The following TNFRSF10B variants were observed in gnomAD, a reference collection of about 807,000 sequenced individuals.
TNFRSF10B encodes the protein tumor necrosis factor receptor superfamily member 10B.
Under a neutral mutation model 41.4 loss-of-function variants are expected in TNFRSF10B, and 35 were observed. The observed-to-expected ratio is 0.85, with a 90% CI of 0.65 to 1.12. The LOEUF (loss-of-function observed/expected upper bound fraction) is 1.12. Among genes scored for constraint, TNFRSF10B ranks in the 50% most tolerant of loss-of-function variants. The pLI is 0.00. For missense variants in TNFRSF10B, 584 were observed against 552.7 expected (o/e 1.06, Z -0.57); for synonymous variants, 230 against 215.5 (o/e 1.07, Z -0.59).
At chr8:23,058,199 A>T (rs1232291363) in intron 1 of TNFRSF10B, among the ~76,000 whole-genome samples, 1 of 152,182 alleles carries the variant, frequency 6.6e-6, no homozygotes, top group East Asian at 1.9e-4. Flanking sequence ...GTGAGCTGAC[A>T]TCTCGCCACT....
At chr8:23,049,903 G>C (rs1812473885) in intron 1 of TNFRSF10B, 1 of 152,294 alleles carries the variant, frequency 6.6e-6, no homozygotes, top group African/African-American at 2.4e-5. Context: ...TCGCCAGCCA[G>C]AAGATAAGGA....
Position 23,027,148 on chromosome 8 carries a change from C to A in TNFRSF10B, c.921G>T (p.Glu307Asp). ...CCCCACTCACCAGCAGATGCTCTGA[C>A]TCCCCGGGGGACAACATGTTGACAC... ...PTGVNMLSPG[E>D]SEHLLEPAEA... The change falls in exon 7 of 9, where the codon GAG becomes GAT. Residue 307 changes from glutamate to aspartate, a missense_variant. Coordinates refer to ENST00000276431, the MANE Select transcript of TNFRSF10B (RefSeq NM_003842.5). 6.2e-7 allele frequency: 1 copy of A among 1,614,180 alleles called. No homozygotes were observed. Among genetic ancestry groups the A allele is most frequent in the Non-Finnish European group, 8.5e-7 (1 of 1,180,036 alleles).
rs147614589 is a variant in TNFRSF10B at position 23,046,615 on chromosome 8, T to TAA, written c.145-3374_145-3373dup. ...CAATCCTAAAATTCATATGCAACCA[T>TAA]AAAAAAAAAAAAAAAAAAACACAAA... On this transcript the variant is annotated intron_variant, in intron 1 of 8. Transcript: ENST00000276431. Among the ~76,000 whole-genome samples the TAA allele has an allele frequency of 1.1e-3, 137 of 129,858 alleles. 1 individual carries two copies. The highest frequency in any genetic ancestry group is 3.1e-3 in the South Asian group (12 of 3,908). 85.2% of individuals were successfully genotyped at this position (129,858 alleles called of 152,430 possible).
At chr8:23,033,560 C>T (rs1811940776) in intron 2 of TNFRSF10B, among the ~76,000 whole-genome samples, 1 of 134,178 alleles carries the variant, frequency 7.5e-6, no homozygotes, top group South Asian at 2.4e-4. Flanking sequence ...TGCACTCCAG[C>T]CTGGGCGACA....
intron 1 of TNFRSF10B, among the ~76,000 whole-genome samples, chr8:23,056,547 A>G (rs1812671113): frequency 1.3e-5 from 2 of 151,810 alleles, no homozygotes; most frequent in South Asian, 4.2e-4. Context: ...GCTACTCAGG[A>G]GGCTGAGGCA....
intron 1 of TNFRSF10B, among the ~76,000 whole-genome samples, chr8:23,055,259 G>A (rs962753905): frequency 7.9e-5 from 12 of 152,036 alleles, no homozygotes; most frequent in African/African-American, 2.9e-4. Flanking sequence ...AATAGACAGT[G>A]CTACCGGGAA....
chr8:23,055,158 C>T (rs1812628068), intron 1 of TNFRSF10B, among the ~76,000 whole-genome samples: 2 of 152,024 alleles, frequency 1.3e-5, no homozygotes, highest in Non-Finnish European at 2.9e-5. Flanking sequence ...TTTTCCCTAA[C>T]TGGAAATCAC....
chr8:23,022,821 G>T lies in TNFRSF10B; in HGVS notation c.1173C>A (p.Asn391Lys). The T allele has an allele frequency of 1.2e-6, 2 of 1,613,958 alleles. No individual in the cohort carries two copies. The highest frequency in any genetic ancestry group is 1.3e-5 in the African/African-American group (1 of 75,002). ...GGACAGAGGCATCTCGCCCGGTTTT[G>T]TTGACCCACTTTATCAGCATCGTGT... is the stretch of plus-strand genomic sequence containing the variant. Reference protein sequence around the residue: ...TLYTMLIKWVNKTGRDASVHT... With the variant: ...TLYTMLIKWVKKTGRDASVHT... Residue 391 changes from asparagine (N) to lysine (K), a missense_variant, in exon 9 of 9, where the codon AAC (asparagine) becomes AAA (lysine). Asn to Lys is a moderately conservative substitution (Grantham distance 94). Coordinates refer to ENST00000276431, the MANE Select transcript of TNFRSF10B (RefSeq NM_003842.5).
At chr8:23,027,923 GA>G in intron 5 of TNFRSF10B, 170 bp from the exon 6 acceptor site, 1 of 720,404 alleles carries the variant, frequency 1.4e-6, no homozygotes, top group Non-Finnish European at 2.3e-6. Flanking sequence ...GAGGAAGGGG[GA>G]TGAGAAGGGG....
intron 2 of TNFRSF10B, among the ~76,000 whole-genome samples, chr8:23,033,304 G>C (rs1331495805): frequency 6.6e-6 from 1 of 152,158 alleles, no homozygotes; most frequent in Non-Finnish European, 1.5e-5. Context: ...AACACTGGAG[G>C]CCGGGTGCGG....
At position 23,022,402 on chromosome 8, in the gene TNFRSF10B, C is replaced by A; in HGVS notation, c.*269G>T. The A allele has an allele frequency of 1.7e-6, 1 of 600,356 alleles. No individual in the cohort carries two copies. Among genetic ancestry groups the A allele is most frequent in the Non-Finnish European group, 3.1e-6 (1 of 322,300 alleles). 37.2% of individuals were successfully genotyped at this position (600,356 alleles called of 1,614,324 possible). Reference sequence around the variant, plus strand: ...AAAAGTGCTGTGAAAACAATGACATCCCAAACCAAATCTCAAAGTACGCAC... The same window carrying A: ...AAAAGTGCTGTGAAAACAATGACATACCAAACCAAATCTCAAAGTACGCAC... On this transcript the variant is annotated 3_prime_UTR_variant, in exon 9 of 9. Transcript: ENST00000276431.
At chr8:23,036,689 A>G (rs551329065) in intron 2 of TNFRSF10B, among the ~76,000 whole-genome samples, 22 of 152,344 alleles carry the variant, frequency 1.4e-4, no homozygotes, top group South Asian at 6.2e-4. Context: ...TACTAAAAAT[A>G]CAAAATTACC....
intron 1 of TNFRSF10B, among the ~76,000 whole-genome samples, chr8:23,055,412 C>G (rs1812635457): frequency 6.6e-6 from 1 of 151,302 alleles, no homozygotes; most frequent in African/African-American, 2.4e-5. Flanking sequence ...TGATAGAAAT[C>G]ATGCGCAAAT....
At chr8:23,041,963 A>G (rs996709726) in intron 2 of TNFRSF10B, among the ~76,000 whole-genome samples, 14 of 152,172 alleles carry the variant, frequency 9.2e-5, no homozygotes, top group African/African-American at 3.4e-4. Flanking sequence ...AGCGGCTTCA[A>G]GCATCACCTA....
intron 1 of TNFRSF10B, 80 bp downstream of exon 1, chr8:23,068,671 C>CG: frequency 6.6e-7 from 1 of 1,515,110 alleles, no homozygotes; most frequent in Non-Finnish European, 8.8e-7. Flanking sequence ...CACGCACCCC[C>CG]GCCGTGTCCC....
intron 2 of TNFRSF10B, among the ~76,000 whole-genome samples, chr8:23,037,727 ATGTCAGCTGGG>A (rs1416011219): frequency 1.3e-5 from 2 of 152,118 alleles, no homozygotes; most frequent in Admixed American, 1.3e-4. Context: ...CTCATTTACA[ATGTCAGCTGGG>A]TGGCAGTACC....
Position 23,029,654 on chromosome 8 carries a change from G to T in TNFRSF10B, c.432C>A (p.Phe144Leu). 6.2e-7 allele frequency: 1 copy of T among 1,613,806 alleles called. No individual in the cohort carries two copies. The highest frequency in any genetic ancestry group is 8.5e-7 in the Non-Finnish European group (1 of 1,179,888). ...NTVCQCEEGTFREEDSPEMCR... is the reference protein window; with the variant it reads ...NTVCQCEEGTLREEDSPEMCR... ...ACATCTCAGGAGAATCTTCTTCCCG[G>T]AAGGTGCCTTCTTCGCACTGACACA... The change falls in exon 4 of 9, where the codon TTC (phenylalanine) becomes TTA (leucine). Residue 144 changes from phenylalanine (F) to leucine (L), a missense_variant. Coordinates refer to ENST00000276431, the MANE Select transcript of TNFRSF10B (RefSeq NM_003842.5).
intron 7 of TNFRSF10B, among the ~76,000 whole-genome samples, chr8:23,025,987 G>A (rs1341032891): frequency 6.6e-6 from 1 of 152,092 alleles, no homozygotes; most frequent in Non-Finnish European, 1.5e-5. Context: ...GAGGTGAGAG[G>A]ATGACATGAG....
At chr8:23,065,550 C>T (rs2128822194) in intron 1 of TNFRSF10B, among the ~76,000 whole-genome samples, 1 of 152,336 alleles carries the variant, frequency 6.6e-6, no homozygotes, top group Non-Finnish European at 1.5e-5. Context: ...CCCCTTCCCA[C>T]AGTGGACAGA....
Sources: allele counts gnomAD v4.1 joint callset (sites outside exome capture counted in the v4.1 genomes callset), GRCh38; gene constraint gnomAD v4.1.1; transcripts MANE v1.5; gene names NCBI Gene and HGNC (gene_info 2026-07-23, HGNC 2026-07-21).